ADAMTS16: variants seen among roughly 807,000 people sequenced by gnomAD.
ADAMTS16 encodes ADAM metallopeptidase with thrombospondin type 1 motif 16, also known as A disintegrin and metalloproteinase with thrombospondin motifs 16.
In ADAMTS16, 94 loss-of-function variants were observed where a neutral mutation model predicts 145.8. The observed-to-expected ratio is 0.64, with a 90% CI of 0.55 to 0.77. The LOEUF is 0.77. Among genes scored for constraint, ADAMTS16 ranks in the 30% least tolerant of loss-of-function variants. The probability of loss-of-function intolerance (pLI) is 0.00; values close to 1 mark genes in which losing one functional copy is unlikely to be tolerated. For missense variants in ADAMTS16, 1,585 were observed against 1,591.5 expected, an observed-to-expected ratio of 1.00 and a Z score of 0.07; for synonymous variants, 659 against 604.3, an observed-to-expected ratio of 1.09 and a Z score of -1.33.
intron 3 of ADAMTS16, among the ~76,000 whole-genome samples, chr5:5,169,872 C>T (rs1204735909): frequency 6.6e-6 from 1 of 152,264 alleles, no homozygotes; most frequent in Non-Finnish European, 1.5e-5. Context: ...TGTGTGTCAC[C>T]TCCTAATTTG....
chr5:5,202,369 AT>A (rs202222747), intron 9 of ADAMTS16, among the ~76,000 whole-genome samples: 108 of 152,264 alleles, frequency 7.1e-4, no homozygotes, highest in South Asian at 3.3e-3. Flanking sequence ...ACACTTGATC[AT>A]TTTTTAAAAA....
intron 14 of ADAMTS16, 23 bp downstream of exon 14, chr5:5,237,122 T>G: frequency 6.2e-7 from 1 of 1,610,658 alleles, no homozygotes; most frequent in Non-Finnish European, 8.5e-7. Flanking sequence ...CTTCATTCAT[T>G]CAACAAATGA....
At chr5:5,304,353 A>G (rs1739933181) in intron 20 of ADAMTS16, among the ~76,000 whole-genome samples, 1 of 152,172 alleles carries the variant, frequency 6.6e-6, no homozygotes, top group African/African-American at 2.4e-5. Context: ...TAACGTTGGA[A>G]TCATGAGTTT....
intron 3 of ADAMTS16, among the ~76,000 whole-genome samples, chr5:5,180,263 A>G (rs1050215744): frequency 6.6e-6 from 1 of 152,344 alleles, no homozygotes; most frequent in Middle Eastern, 3.4e-3. Flanking sequence ...ACTGAAAAAA[A>G]AATCAGCATA....
At chr5:5,201,347 A>G (rs1272001211) in intron 9 of ADAMTS16, among the ~76,000 whole-genome samples, 1 of 152,226 alleles carries the variant, frequency 6.6e-6, no homozygotes, top group South Asian at 2.1e-4. Context: ...AGAAAAGTAA[A>G]TAAAAATATT....
chr5:5,173,045 C>CT (rs2126545091), intron 3 of ADAMTS16, among the ~76,000 whole-genome samples: 1 of 152,060 alleles, frequency 6.6e-6, no homozygotes, highest in African/African-American at 2.4e-5. Flanking sequence ...GGACTCCAGC[C>CT]CTTTTTTTTC....
chr5:5,216,115 A>G (rs1216764870), intron 10 of ADAMTS16, among the ~76,000 whole-genome samples: 1 of 151,902 alleles, frequency 6.6e-6, no homozygotes, highest in Non-Finnish European at 1.5e-5. Flanking sequence ...AGGAATCTCC[A>G]CACTTTTTTC....
At chr5:5,278,920 CAAACAAAAA>C (rs1738796499) in intron 18 of ADAMTS16, among the ~76,000 whole-genome samples, 1 of 151,192 alleles carries the variant, frequency 6.6e-6, no homozygotes, top group African/African-American at 2.4e-5. Flanking sequence ...ACCAACCAAA[CAAACAAAAA>C]AAACAAAACG....
At chr5:5,218,328 C>T (rs531060747) in intron 10 of ADAMTS16, among the ~76,000 whole-genome samples, 1 of 152,280 alleles carries the variant, frequency 6.6e-6, no homozygotes, top group African/African-American at 2.4e-5. Context: ...CATTTTCCCC[C>T]TTGCAGGACA....
intron 17 of ADAMTS16, among the ~76,000 whole-genome samples, chr5:5,257,304 G>A (rs1737819149): frequency 6.6e-6 from 1 of 152,098 alleles, no homozygotes; most frequent in Admixed American, 6.5e-5. Context: ...GAATTATCCA[G>A]TGGCTCAAAA....
intron 7 of ADAMTS16, among the ~76,000 whole-genome samples, chr5:5,191,443 C>T (rs545097517): frequency 6.6e-4 from 100 of 152,184 alleles, no homozygotes; most frequent in African/African-American, 2.3e-3. Flanking sequence ...GCCTGCACCA[C>T]GAACGTTACA....
intron 17 of ADAMTS16, among the ~76,000 whole-genome samples, chr5:5,256,843 C>T (rs992536120): frequency 6.6e-5 from 10 of 151,980 alleles, no homozygotes; most frequent in Admixed American, 2.0e-4. Context: ...CCTAAAAAGC[C>T]GTAAGAGTTT....
chr5:5,174,979 C>T (rs1350707213), intron 3 of ADAMTS16, among the ~76,000 whole-genome samples: 1 of 152,176 alleles, frequency 6.6e-6, no homozygotes, highest in Admixed American at 6.5e-5. Context: ...CATCCAAGAG[C>T]CAAAGCCTGG....
intron 17 of ADAMTS16, among the ~76,000 whole-genome samples, chr5:5,242,918 A>G (rs1033116036): frequency 2.6e-5 from 4 of 152,230 alleles, no homozygotes; most frequent in Admixed American, 2.6e-4. Flanking sequence ...TATAAAATAC[A>G]CAAGTTTCCA....
At chr5:5,232,748 T>G (rs141311859) in intron 12 of ADAMTS16, among the ~76,000 whole-genome samples, 2 of 151,740 alleles carry the variant, frequency 1.3e-5, no homozygotes, top group East Asian at 1.9e-4. Flanking sequence ...GGACTATAGG[T>G]GCCACCACCA....
At chr5:5,263,711 T>A (rs1453770875) in intron 18 of ADAMTS16, among the ~76,000 whole-genome samples, 1 of 152,154 alleles carries the variant, frequency 6.6e-6, no homozygotes, top group Non-Finnish European at 1.5e-5. Flanking sequence ...AGAGGGGGTG[T>A]TAATGTGCTA....
chr5:5,182,192 G>A lies in ADAMTS16; in HGVS notation c.650G>A (p.Ser217Asn). The change falls in exon 4 of 23, where the codon AGT becomes AAT. Residue 217 changes from serine to asparagine, a missense_variant. Around this residue, in one of 3 missense-constraint regions of ADAMTS16, gnomAD observed 453 missense variants for 412.1 expected, o/e 1.10. Coordinates refer to ENST00000274181, the MANE Select transcript of ADAMTS16 (RefSeq NM_139056.4). ...RSTEPHAPGASEVLVTSRTWE... is the reference protein window; with the variant it reads ...RSTEPHAPGANEVLVTSRTWE... Reference sequence around the variant, plus strand: ...ACAGAGCCCCATGCTCCTGGGGCCAGTGAGGTCCTGGTGACCTCAAGGACA... The same window carrying A: ...ACAGAGCCCCATGCTCCTGGGGCCAATGAGGTCCTGGTGACCTCAAGGACA... 6.2e-7 allele frequency: 1 copy of A among 1,614,188 alleles called. No homozygotes were observed.
rs541638733 is a variant in ADAMTS16, at chr5:5,206,351, G to A, written c.1452-2742G>A. 1.4e-4 allele frequency among the ~76,000 whole-genome samples: 19 copies of A among 133,484 alleles called. No individual in the cohort carries two copies. The South Asian group carries it at 3.3e-3, about 23-fold the overall frequency. 87.6% of individuals were successfully genotyped at this position (133,484 alleles called of 152,430 possible). A position where few individuals can be genotyped will look rare whatever the true frequency, so the allele number is the denominator to read the frequency against. On this transcript the variant is annotated intron_variant, in intron 9 of 22. Coordinates refer to ENST00000274181, the MANE Select transcript of ADAMTS16 (RefSeq NM_139056.4). Reference sequence around the variant, plus strand: ...TGAGGCAGGAGAATGGCGTGAACCCGGGAGGCGGAGCTTGCAGTGAGCCGA... The same window carrying A: ...TGAGGCAGGAGAATGGCGTGAACCCAGGAGGCGGAGCTTGCAGTGAGCCGA...
chr5:5,195,163 G>A (rs1560943662), intron 8 of ADAMTS16, among the ~76,000 whole-genome samples: 1 of 148,434 alleles, frequency 6.7e-6, no homozygotes, highest in African/African-American at 2.5e-5. Context: ...GGAGAGACTG[G>A]AACCAGAACT....
Sources: allele counts gnomAD v4.1 joint callset (sites outside exome capture counted in the v4.1 genomes callset), GRCh38; gene constraint gnomAD v4.1.1; regional missense constraint gnomAD v4.1.1; transcripts MANE v1.5; gene names NCBI Gene and HGNC (gene_info 2026-07-23, HGNC 2026-07-21).